The following HSD17B4 variants were observed in gnomAD, a reference collection of about 807,000 sequenced individuals.
The protein encoded by HSD17B4 is peroxisomal multifunctional enzyme type 2.
In HSD17B4, 70 loss-of-function variants were observed where a neutral mutation model predicts 101.0. The observed-to-expected ratio is 0.69, with a 90% CI of 0.57 to 0.85. The LOEUF (loss-of-function observed/expected upper bound fraction) is 0.85. Among genes scored for constraint, HSD17B4 ranks in the 40% least tolerant of loss-of-function variants. The pLI, the probability that HSD17B4 is intolerant of heterozygous loss-of-function variation, is 0.00. For missense variants in HSD17B4, 984 were observed against 892.4 expected (o/e 1.10, Z -1.31); for synonymous variants, 347 against 297.1 (o/e 1.17, Z -1.73).
chr5:119,475,341 A>T lies in HSD17B4; in HGVS notation c.281-365A>T, dbSNP rs531516921. 2.0e-5 allele frequency among the ~76,000 whole-genome samples: 3 copies of T among 152,300 alleles called. No homozygotes were observed. The South Asian group carries it at 6.2e-4, about 32-fold the overall frequency. On this transcript the variant is annotated intron_variant, in intron 4 of 23. Transcript: ENST00000510025. Reference sequence around the variant, plus strand: ...TTTTGAGTGGCAAGGGAAAAATGTAACTTTAACTTGCTAAGTGAATTTTGA... The same window carrying T: ...TTTTGAGTGGCAAGGGAAAAATGTATCTTTAACTTGCTAAGTGAATTTTGA...
Position 119,509,220 on chromosome 5 carries a change from A to G in HSD17B4, c.1413A>G (p.Gly471=). 1 of 1,605,306 alleles carries G rather than the reference A, an allele frequency of 6.2e-7. No individual in the cohort carries two copies. Among genetic ancestry groups the G allele is most frequent in the Non-Finnish European group, 8.5e-7 (1 of 1,171,954 alleles). ...TTGTTGGCTCTGGAGGCTTTGGTGG[A>G]AAACGGACATCAGACAAAGTCAAGG... The part of the protein sequence containing the change: ...LFLVGSGGFG[G]KRTSDKVKVA... Residue 471 remains glycine (G), a synonymous_variant, in exon 16 of 24, where the codon GGA becomes GGG. Coordinates refer to ENST00000510025, the MANE Select transcript of HSD17B4 (RefSeq NM_000414.4).
chr5:119,490,913 T>A (rs1294100878), intron 9 of HSD17B4, among the ~76,000 whole-genome samples: 1 of 152,162 alleles, frequency 6.6e-6, no homozygotes, highest in African/African-American at 2.4e-5. Context: ...ATTAGGATAA[T>A]GCTGCAGATG....
chr5:119,483,376 T>A (rs1168029924), intron 8 of HSD17B4, among the ~76,000 whole-genome samples: 3 of 152,092 alleles, frequency 2.0e-5, no homozygotes, highest in Non-Finnish European at 2.9e-5. Context: ...ATAAGCAGAG[T>A]TGTTGATTTT....
chr5:119,452,990 C>T (rs373299264), intron 1 of HSD17B4, among the ~76,000 whole-genome samples: 2 of 152,210 alleles, frequency 1.3e-5, no homozygotes, highest in African/African-American at 4.8e-5. Flanking sequence ...TAGATCTTTG[C>T]CTAGTCTTTT....
chr5:119,474,613 A>C (rs567080678), intron 4 of HSD17B4, among the ~76,000 whole-genome samples, 153 bp downstream of exon 4: 18 of 152,192 alleles, frequency 1.2e-4, no homozygotes, highest in African/African-American at 4.3e-4. Flanking sequence ...TACTTATTTC[A>C]TAAAGGGTTT....
intron 14 of HSD17B4, among the ~76,000 whole-genome samples, chr5:119,504,440 T>A (rs1188413614): frequency 6.6e-6 from 1 of 152,142 alleles, no homozygotes; most frequent in East Asian, 1.9e-4. Flanking sequence ...CTCACCAGCA[T>A]CTGTTATTTT....
chr5:119,508,980 T>G (rs575668141), intron 15 of HSD17B4, among the ~76,000 whole-genome samples, 161 bp from the exon 16 acceptor site: 2 of 152,338 alleles, frequency 1.3e-5, no homozygotes, highest in South Asian at 2.1e-4. Flanking sequence ...TTAAAATGAA[T>G]GCTTTGTAAT....
chr5:119,542,181 A>G lies in HSD17B4; in HGVS notation c.*187A>G, dbSNP rs973749751. The G allele has an allele frequency of 2.8e-5, 16 of 567,128 alleles. No homozygotes were observed. The highest frequency in any genetic ancestry group is 4.9e-4 in the Middle Eastern group (1 of 2,040). The allele number at this position is 567,128 out of a possible 1,614,324, so 35.1% of individuals were successfully genotyped here. ...TCATGTATCATTATTTTTACAAGGA[A>G]CTATATATAAGCTAGCACATAATTA... On this transcript the variant is annotated 3_prime_UTR_variant, in exon 24 of 24. Transcript: ENST00000510025.
intron 2 of HSD17B4, among the ~76,000 whole-genome samples, chr5:119,457,846 T>C (rs1235740090): frequency 2.6e-5 from 4 of 152,222 alleles, no homozygotes; most frequent in Admixed American, 6.6e-5. Context: ...TCTTTTATTG[T>C]TGATATACTT....
intron 17 of HSD17B4, 38 bp downstream of exon 17, chr5:119,515,084 G>A: frequency 8.9e-7 from 1 of 1,122,434 alleles, no homozygotes; most frequent in Non-Finnish European, 1.4e-6. Context: ...AATCCACCTG[G>A]TTGATGACAC....
intron 16 of HSD17B4, among the ~76,000 whole-genome samples, chr5:119,514,479 G>A (rs1478568643): frequency 6.6e-6 from 1 of 152,176 alleles, no homozygotes; most frequent in Non-Finnish European, 1.5e-5. Context: ...CTTTGTAGAT[G>A]TTGCAGACTT....
At chr5:119,454,439 AG>A (rs1754391074) in intron 1 of HSD17B4, among the ~76,000 whole-genome samples, 1 of 151,436 alleles carries the variant, frequency 6.6e-6, no homozygotes, top group Non-Finnish European at 1.5e-5. Flanking sequence ...CAGACTAGCT[AG>A]GACTGTAGGC....
At position 119,536,467 on chromosome 5, in the gene HSD17B4, G is replaced by A. The variant is rs762298003; in HGVS notation, c.2038G>A (p.Ala680Thr). 6.2e-7 allele frequency: 1 copy of A among 1,612,182 alleles called. No individual in the cohort carries two copies. The highest frequency in any genetic ancestry group is 8.5e-7 in the Non-Finnish European group (1 of 1,178,634). The change falls in exon 23 of 24, where the codon GCA becomes ACA. Residue 680 changes from alanine (A) to threonine (T), a missense_variant. By Grantham distance (58) the Ala-to-Thr change is moderately conservative (BLOSUM62 0). Coordinates refer to ENST00000510025, the MANE Select transcript of HSD17B4 (RefSeq NM_000414.4). Reference sequence around the variant, plus strand: ...TTCTGGAAAAGTGTACCAAGGCCCTGCAAAAGGTGCTGCTGATACAACAAT... The same window carrying A: ...TTCTGGAAAAGTGTACCAAGGCCCTACAAAAGGTGCTGCTGATACAACAAT... ...SGSGKVYQGP[A>T]KGAADTTIIL...
intron 8 of HSD17B4, 54 bp downstream of exon 8, chr5:119,479,075 A>G: frequency 7.7e-7 from 1 of 1,306,052 alleles, no homozygotes; most frequent in Non-Finnish European, 1.1e-6. Context: ...CCTATGTGGA[A>G]TGAGCTTTAC....
At chr5:119,537,283 TA>T (rs1754619114) in intron 23 of HSD17B4, among the ~76,000 whole-genome samples, 1 of 152,140 alleles carries the variant, frequency 6.6e-6, no homozygotes, top group African/African-American at 2.4e-5. Context: ...GTATAGTAGG[TA>T]AAAAGTAGTC....
intron 16 of HSD17B4, among the ~76,000 whole-genome samples, chr5:119,510,257 C>T (rs1486909419): frequency 6.6e-6 from 1 of 151,868 alleles, no homozygotes; most frequent in Non-Finnish European, 1.5e-5. Flanking sequence ...CTTTGCAGAC[C>T]CCAAAAGTTT....
chr5:119,459,009 C>A (rs1754950696), intron 2 of HSD17B4, among the ~76,000 whole-genome samples: 1 of 152,200 alleles, frequency 6.6e-6, no homozygotes, highest in Admixed American at 6.5e-5. Flanking sequence ...TACTCTTGAA[C>A]TGAAGTAACA....
At chr5:119,455,516 CAAAAAAAAA>C (rs1244027446) in intron 1 of HSD17B4, among the ~76,000 whole-genome samples, 48 of 143,098 alleles carry the variant, frequency 3.4e-4, no homozygotes, top group African/African-American at 1.2e-3. Context: ...GACTGGATCT[CAAAAAAAAA>C]GAAAAAAAGC....
At chr5:119,536,164 G>A in intron 22 of HSD17B4, 1 of 423,100 alleles carries the variant, frequency 2.4e-6, no homozygotes, top group Non-Finnish European at 4.4e-6. Context: ...GGTGATGGTG[G>A]TGGTTGCAGA....
Sources: gnomAD v4.1 joint callset for allele counts (sites outside exome capture counted in the v4.1 genomes callset) on GRCh38, gnomAD v4.1.1 for gene constraint, MANE v1.5 for transcripts, NCBI Gene and HGNC (gene_info 2026-07-23, HGNC 2026-07-21) for gene names.